The following GRID2 variants were observed in gnomAD, a reference collection of about 807,000 sequenced individuals.
GRID2 encodes the protein glutamate receptor ionotropic, delta-2.
GRID2 carries 33 observed loss-of-function variants against 114.8 expected under a neutral mutation model. The observed-to-expected ratio is 0.29, with a 90% confidence interval of 0.22 to 0.38. GRID2 has a LOEUF of 0.38. GRID2 is among the 10% of genes least tolerant of loss of function. The pLI, the probability that GRID2 is intolerant of heterozygous loss-of-function variation, is 1.00. For missense variants in GRID2, 1,184 were observed against 1,257.7 expected, an observed-to-expected ratio of 0.94 and a Z score of 0.89; for synonymous variants, 505 against 449.9, an observed-to-expected ratio of 1.12 and a Z score of -1.55.
intron 12 of GRID2, among the ~76,000 whole-genome samples, chr4:93,505,136 T>C (rs576403459): frequency 1.3e-5 from 2 of 152,182 alleles, no homozygotes; most frequent in South Asian, 4.1e-4. Context: ...TGCCTTAAGG[T>C]ACCTAATCAT....
intron 1 of GRID2, among the ~76,000 whole-genome samples, chr4:92,533,049 G>A (rs538862408): frequency 7.5e-4 from 114 of 152,158 alleles, no homozygotes; most frequent in African/African-American, 2.5e-3. Context: ...ACTCCAGCCT[G>A]GGTGACAGAG....
At chr4:92,378,690 C>A (rs1353530359) in intron 1 of GRID2, among the ~76,000 whole-genome samples, 7 of 151,936 alleles carry the variant, frequency 4.6e-5, no homozygotes, top group Non-Finnish European at 1.0e-4. Context: ...TTGAGAAATG[C>A]TTGTTAATTT....
rs551680906 is a variant in GRID2 at position 93,755,329 on chromosome 4, T to C, written c.2361-13881T>C. Among the ~76,000 whole-genome samples, 138 of 152,234 alleles carry C rather than the reference T, an allele frequency of 9.1e-4. 1 individual carries two copies. Among genetic ancestry groups the C allele is most frequent in the Middle Eastern group, 3.4e-3 (1 of 294 alleles). On this transcript the variant is annotated intron_variant, in intron 14 of 15. Transcript: ENST00000282020. ...ATGGAATAGACTAATTCCCAGCATA[T>C]CTCCCATGCGTGGGAAAACTAAATT...
intron 14 of GRID2, among the ~76,000 whole-genome samples, chr4:93,676,753 C>CAAAAAAAAAAAAAAGAAAGAAA (rs1724902902): frequency 8.8e-6 from 1 of 114,092 alleles, no homozygotes; most frequent in Non-Finnish European, 1.9e-5. Flanking sequence ...AAAGATATTA[C>CAAAAAAAAAAAAAAGAAAGAAA]AAAAAAAAAA....
At chr4:93,515,476 T>A (rs1729625230) in intron 13 of GRID2, 65 bp downstream of exon 13, 2 of 1,089,078 alleles carry the variant, frequency 1.8e-6, no homozygotes, top group East Asian at 4.8e-5. Flanking sequence ...AATTGCGCAG[T>A]TGAGATTTGT....
chr4:92,909,379 AT>A (rs1748201883), intron 2 of GRID2, among the ~76,000 whole-genome samples: 1 of 152,022 alleles, frequency 6.6e-6, no homozygotes. Context: ...TAGCTATTCC[AT>A]TATAAACACC....
chr4:92,675,212 T>C (rs1425746516), intron 2 of GRID2, among the ~76,000 whole-genome samples: 3 of 152,144 alleles, frequency 2.0e-5, no homozygotes, highest in Non-Finnish European at 4.4e-5. Context: ...GCCTGGGGTA[T>C]TCATCAAAGA....
At chr4:92,677,258 A>G (rs12502519) in intron 2 of GRID2, among the ~76,000 whole-genome samples, 37,103 of 152,128 alleles carry the variant, frequency 0.24, 4,612 homozygotes, top group Middle Eastern at 0.35. Flanking sequence ...GAAATGGATT[A>G]AAGAGCAAAT....
chr4:92,729,221 CAAT>C (rs965912659), intron 2 of GRID2, among the ~76,000 whole-genome samples: 40 of 152,046 alleles, frequency 2.6e-4, no homozygotes, highest in African/African-American at 8.9e-4. Context: ...AAAAGAAAAA[CAAT>C]AAACCATTGG....
chr4:92,705,990 T>C (rs925194830), intron 2 of GRID2, among the ~76,000 whole-genome samples: 3 of 152,164 alleles, frequency 2.0e-5, no homozygotes, highest in Admixed American at 2.0e-4. Flanking sequence ...GAAACGTTAG[T>C]GACAAATGAG....
At chr4:93,517,996 CATGTATATGT>C (rs1217060684) in intron 13 of GRID2, among the ~76,000 whole-genome samples, 1 of 16,074 alleles carries the variant, frequency 6.2e-5, no homozygotes, top group East Asian at 9.1e-4. Context: ...TATATACATA[CATGTATATGT>C]ATGTATATAC....
At chr4:93,796,954 C>T (rs1003880238) in intron 1 of GRID2, among the ~76,000 whole-genome samples, 1 of 152,158 alleles carries the variant, frequency 6.6e-6, no homozygotes, top group Non-Finnish European at 1.5e-5. Context: ...TAGGTCATTT[C>T]ACAGTTTTGT....
At chr4:92,339,314 A>C (rs934628343) in intron 1 of GRID2, among the ~76,000 whole-genome samples, 1 of 152,122 alleles carries the variant, frequency 6.6e-6, no homozygotes, top group African/African-American at 2.4e-5. Context: ...TAAGGGGAAA[A>C]TATTTTTAAA....
chr4:93,194,485 C>G (rs1411246117), intron 4 of GRID2, among the ~76,000 whole-genome samples: 2 of 151,950 alleles, frequency 1.3e-5, no homozygotes, highest in African/African-American at 4.8e-5. Context: ...AGATGCATGT[C>G]TTTAGTTATT....
At chr4:93,469,857 T>C (rs1271617613) in intron 11 of GRID2, among the ~76,000 whole-genome samples, 1 of 152,144 alleles carries the variant, frequency 6.6e-6, no homozygotes, top group Non-Finnish European at 1.5e-5. Context: ...CGGTCCCCTG[T>C]AGTTATTGCA....
rs1008311457 is a variant in GRID2, at chr4:93,128,027, C to CAAAAAAAAAA, written c.735+17097_735+17106dup. Among the ~76,000 whole-genome samples, 51 of 20,324 alleles carry CAAAAAAAAAA rather than the reference C, an allele frequency of 2.5e-3. 6 individuals carry two copies. The highest frequency in any genetic ancestry group is 5.0e-3 in the African/African-American group (30 of 5,946). 13.3% of individuals were successfully genotyped at this position (20,324 alleles called of 152,430 possible). A position where few individuals can be genotyped will look rare whatever the true frequency, so the allele number is the denominator to read the frequency against. On this transcript the variant is annotated intron_variant, in intron 4 of 15. Coordinates refer to ENST00000282020, the MANE Select transcript of GRID2 (RefSeq NM_001510.4). ...CAGAGTAAGACCTTGTCCCCCGCAA[C>CAAAAAAAAAA]AAAAAAAAAAAAAAAAAAAAAAAAA...
intron 14 of GRID2, among the ~76,000 whole-genome samples, chr4:93,651,447 G>A (rs1459630946): frequency 6.6e-6 from 1 of 152,152 alleles, no homozygotes; most frequent in African/African-American, 2.4e-5. Flanking sequence ...GAAACACCTG[G>A]TAAAGCGTAT....
At chr4:93,107,723 G>T (rs1159939169) in intron 3 of GRID2, among the ~76,000 whole-genome samples, 1 of 151,690 alleles carries the variant, frequency 6.6e-6, no homozygotes, top group Non-Finnish European at 1.5e-5. Context: ...CGAACTCCTG[G>T]CCTCAAGTAA....
Position 92,590,264 on chromosome 4 carries a change from C to A in GRID2, c.222C>A (p.Asn74Lys). ...TFSVTFVDGN[N>K]PFQAVQEACE... The stretch of plus-strand genomic sequence containing the variant: ...CAGTGACGTTTGTTGATGGCAACAA[C>A]CCTTTCCAAGCAGTTCAAGAAGGTA... The change falls in exon 2 of 16, where the codon AAC becomes AAA. Residue 74 changes from asparagine (N) to lysine (K), a missense_variant. Transcript: ENST00000282020. 2 of 1,613,252 alleles carry A rather than the reference C, an allele frequency of 1.2e-6. No homozygotes were observed. The highest frequency in any genetic ancestry group is 1.7e-6 in the Non-Finnish European group (2 of 1,179,394).
Sources: gnomAD v4.1 joint callset for allele counts (sites outside exome capture counted in the v4.1 genomes callset) on GRCh38, gnomAD v4.1.1 for gene constraint, MANE v1.5 for transcripts, NCBI Gene and HGNC (gene_info 2026-07-23, HGNC 2026-07-21) for gene names.